Variants in RASA3 observed in about 807,000 individuals in gnomAD.
The protein encoded by RASA3 is RAS p21 protein activator 3.
A neutral mutation model predicts 110.0 loss-of-function variants in RASA3; 73 were observed. That is an observed-to-expected ratio of 0.66 (90% CI 0.55 to 0.81). RASA3 has a LOEUF of 0.81. Among genes scored for constraint, RASA3 ranks in the 30% least tolerant of loss-of-function variants. The pLI, the probability that RASA3 is intolerant of heterozygous loss-of-function variation, is 0.00. For missense variants in RASA3, 976 were observed against 1,113.2 expected (o/e 0.88, Z 1.75); for synonymous variants, 500 against 451.4 (o/e 1.11, Z -1.37).
intron 1 of RASA3, among the ~76,000 whole-genome samples, chr13:114,075,162 T>C (rs960891923): frequency 6.6e-6 from 1 of 152,206 alleles, no homozygotes; most frequent in Non-Finnish European, 1.5e-5. Flanking sequence ...CACCTTATTC[T>C]TGTTGAAACA....
At chr13:114,063,374 T>C (rs1178536139) in intron 2 of RASA3, among the ~76,000 whole-genome samples, 1 of 149,824 alleles carries the variant, frequency 6.7e-6, no homozygotes, top group African/African-American at 2.4e-5. Context: ...ATACAATATT[T>C]ATAATACAAA....
intron 1 of RASA3, 150 bp from the exon 2 acceptor site, chr13:114,073,987 T>C (rs41291225): frequency 0.22 from 151,682 of 702,794 alleles, 17,362 homozygotes; most frequent in East Asian, 0.31. Flanking sequence ...AAAATGTGGA[T>C]GTGCACCCCA....
intron 1 of RASA3, among the ~76,000 whole-genome samples, chr13:114,098,502 G>T (rs1228410153): frequency 1.3e-5 from 2 of 152,202 alleles, no homozygotes; most frequent in African/African-American, 4.8e-5. Context: ...GACGTGAACA[G>T]GCGAAAGTGC....
chr13:114,109,290 T>A (rs1370327614), intron 1 of RASA3, among the ~76,000 whole-genome samples: 2 of 152,132 alleles, frequency 1.3e-5, no homozygotes. Flanking sequence ...TTGAGAAAAG[T>A]GTAAACAGCA....
intron 22 of RASA3, among the ~76,000 whole-genome samples, chr13:113,989,887 G>A (rs187328179): frequency 3.9e-5 from 6 of 152,354 alleles, no homozygotes; most frequent in Non-Finnish European, 1.5e-5. Context: ...GGTGACACAG[G>A]TGAGCCCAGG....
At chr13:114,020,658 A>G (rs1240720464) in intron 9 of RASA3, among the ~76,000 whole-genome samples, 1 of 152,166 alleles carries the variant, frequency 6.6e-6, no homozygotes, top group African/African-American at 2.4e-5. Flanking sequence ...AGATAAAATG[A>G]AACAATGGCC....
intron 1 of RASA3, among the ~76,000 whole-genome samples, chr13:114,110,048 C>T (rs146270479): frequency 1.5e-4 from 23 of 152,380 alleles, no homozygotes; most frequent in Non-Finnish European, 3.1e-4. Flanking sequence ...GGGCCAGGCC[C>T]TCTCCCCATC....
chr13:113,999,002 A>C (rs1182015556), intron 20 of RASA3, among the ~76,000 whole-genome samples: 1 of 152,226 alleles, frequency 6.6e-6, no homozygotes, highest in African/African-American at 2.4e-5. Context: ...ATACATTCAG[A>C]AAAGCACGGG....
chr13:114,128,901 T>C lies in RASA3; in HGVS notation c.55+3534A>G, dbSNP rs1347604284. Reference sequence around the variant, plus strand: ...GCAGGGTCACCGCGGTGCGAGAGCCTTTCCCGCCCTGGACCGCGGGGCTGG... The same window carrying C: ...GCAGGGTCACCGCGGTGCGAGAGCCCTTCCCGCCCTGGACCGCGGGGCTGG... On this transcript the variant is annotated intron_variant, in intron 1 of 23. Coordinates refer to ENST00000334062, the MANE Select transcript of RASA3 (RefSeq NM_007368.4). 3.3e-5 allele frequency among the ~76,000 whole-genome samples: 5 copies of C among 151,136 alleles called. 1 individual carries two copies. Among genetic ancestry groups the C allele is most frequent in the African/African-American group, 1.2e-4 (5 of 41,226 alleles).
rs10161649 is a variant in RASA3 at position 113,980,444 on chromosome 13, G to C, written c.2430-1022C>G. On this transcript the variant is annotated intron_variant, in intron 23 of 23. Coordinates refer to ENST00000334062, the MANE Select transcript of RASA3 (RefSeq NM_007368.4). The stretch of plus-strand genomic sequence containing the variant: ...CACCTCCTCCGTGTGTGCACCTCCT[G>C]CCATGTGTGTGCACCTCCACCCATG... Among the ~76,000 whole-genome samples the C allele has an allele frequency of 2.3e-3, 216 of 92,536 alleles. 4 individuals are homozygous for C. In the South Asian group the frequency reaches 0.064, roughly 27 times the overall value. 60.7% of individuals were successfully genotyped at this position (92,536 alleles called of 152,430 possible). A position where few individuals can be genotyped will look rare whatever the true frequency, so the allele number is the denominator to read the frequency against.
At chr13:114,124,602 C>T (rs1283464630) in intron 1 of RASA3, among the ~76,000 whole-genome samples, 1 of 152,220 alleles carries the variant, frequency 6.6e-6, no homozygotes, top group Non-Finnish European at 1.5e-5. Context: ...AGTTCCCCTT[C>T]ACCTGTGCCA....
At chr13:114,127,753 GA>G (rs1042375230) in intron 1 of RASA3, among the ~76,000 whole-genome samples, 2 of 151,656 alleles carry the variant, frequency 1.3e-5, no homozygotes, top group South Asian at 2.1e-4. Context: ...CAGTCTCAAA[GA>G]AAAAAAAATT....
chr13:114,026,396 G>C (rs1186191334), intron 7 of RASA3, among the ~76,000 whole-genome samples: 9 of 152,192 alleles, frequency 5.9e-5, no homozygotes, highest in Admixed American at 5.9e-4. Flanking sequence ...CATCTTCTCC[G>C]CCTGTCTATA....
At chr13:114,089,299 AGG>A (rs941894354) in intron 1 of RASA3, among the ~76,000 whole-genome samples, 1 of 14,792 alleles carries the variant, frequency 6.8e-5, no homozygotes, top group African/African-American at 2.3e-4. Flanking sequence ...AGCGGGGAGG[AGG>A]GGGGGAGGAG....
At chr13:114,119,588 CT>C (rs1179573980) in intron 1 of RASA3, among the ~76,000 whole-genome samples, 6 of 97,040 alleles carry the variant, frequency 6.2e-5, no homozygotes, top group Non-Finnish European at 8.8e-5. Flanking sequence ...CGATCAAGTC[CT>C]CACCTTCTCT....
rs185895568 is a variant in RASA3, at chr13:114,018,593, C to T, written c.942+170G>A. Among the ~76,000 whole-genome samples, 58 of 152,316 alleles carry T rather than the reference C, an allele frequency of 3.8e-4. 1 individual carries two copies. The East Asian group carries it at 0.011, about 29-fold the overall frequency. The stretch of plus-strand genomic sequence containing the variant: ...GCTCTAACTGTCGACGGACCAGTGC[C>T]CCCAGCAAAGGGGTCCAGGCATCTG... On this transcript the variant is annotated intron_variant, in intron 10 of 23. Transcript: ENST00000334062.
At chr13:114,009,931 G>A (rs1211451381) in intron 16 of RASA3, among the ~76,000 whole-genome samples, 4 of 152,320 alleles carry the variant, frequency 2.6e-5, no homozygotes, top group African/African-American at 9.6e-5. Flanking sequence ...GGCACCCAGG[G>A]ATTCGGGGGG....
At position 114,018,158 on chromosome 13, in the gene RASA3, C is replaced by T; in HGVS notation, c.1037G>A (p.Gly346Asp). The T allele has an allele frequency of 6.4e-7, 1 of 1,550,726 alleles. No individual in the cohort carries two copies. The highest frequency in any genetic ancestry group is 8.7e-7 in the Non-Finnish European group (1 of 1,147,068). The stretch of plus-strand genomic sequence containing the variant: ...GGCACTGATGAATGGCACCACCCTG[C>T]CATAGTGTAGGAAGAGCCGCACCAG... The part of the protein sequence containing the change: ...VPLVRLFLHY[G>D]RVVPFISAIA... The change falls in exon 11 of 24, where the codon GGC (glycine) becomes GAC (aspartate). Residue 346 changes from glycine (G) to aspartate (D), a missense_variant. By Grantham distance (94) the Gly-to-Asp change is moderately conservative (BLOSUM62 -1). Around this residue, in one of 4 missense-constraint regions of RASA3, gnomAD observed 732 missense variants for 779.7 expected, o/e 0.94. Coordinates refer to ENST00000334062, the MANE Select transcript of RASA3 (RefSeq NM_007368.4).
intron 2 of RASA3, among the ~76,000 whole-genome samples, chr13:114,066,186 A>ACCATCCTT (rs1341158308): frequency 3.4e-4 from 50 of 149,020 alleles, no homozygotes; most frequent in African/African-American, 1.2e-3. Context: ...AAAAAGAACC[A>ACCATCCTT]CCATCCTTAC....
Sources: gnomAD v4.1 joint callset for allele counts (sites outside exome capture counted in the v4.1 genomes callset) on GRCh38, gnomAD v4.1.1 for gene constraint, gnomAD v4.1.1 regional missense constraint, MANE v1.5 for transcripts, NCBI Gene and HGNC (gene_info 2026-07-23, HGNC 2026-07-21) for gene names.